The following HIVEP2 variants were observed in gnomAD, a reference collection of about 807,000 sequenced individuals.
HIVEP2 encodes transcription factor HIVEP2.
Under a neutral mutation model 180.7 loss-of-function variants are expected in HIVEP2, and 14 were observed. The observed-to-expected ratio is 0.08, with a 90% confidence interval of 0.05 to 0.12. The LOEUF is 0.12. HIVEP2 is among the 10% of genes least tolerant of loss of function. The pLI is 1.00. For missense variants in HIVEP2, 2,579 were observed against 3,008.5 expected (o/e 0.86, Z 3.34); for synonymous variants, 1,184 against 1,136.4 (o/e 1.04, Z -0.84).
rs755232431 is a variant in HIVEP2 at position 142,774,649 on chromosome 6, T to C, written c.90A>G (p.Gln30=). 6.2e-7 allele frequency: 1 copy of C among 1,614,214 alleles called. No homozygotes were observed. Residue 30 remains glutamine, a synonymous_variant, in exon 5 of 10, where the codon CAA becomes CAG. Transcript: ENST00000367603. This position sits in a 1 kb window ranked among gnomAD's most constrained non-coding sequence, Gnocchi z 5.1. ...DKASGRWRQE[Q]SAVIKMSTFG... ...AAGTGCTCATCTTAATAACAGCTGA[T>C]TGTTCCTGTCTCCATCTACCTGATG... is the stretch of plus-strand genomic sequence containing the variant.
rs1776592480 is a variant in HIVEP2 at position 142,882,338 on chromosome 6, C to T, written c.-640-45291G>A. Among the ~76,000 whole-genome samples, 3 of 152,098 alleles carry T rather than the reference C, an allele frequency of 2.0e-5. No individual in the cohort carries two copies. The South Asian group carries it at 6.2e-4, about 31-fold the overall frequency. The stretch of plus-strand genomic sequence containing the variant: ...GAAAAGAAGTAGAAGAGGCAGAGGG[C>T]AGTAGCTCATGCCTGTAATCCCAGC... On this transcript the variant is annotated intron_variant, in intron 1 of 9. Transcript: ENST00000367603.
At chr6:142,814,736 T>C (rs190090029) in intron 2 of HIVEP2, among the ~76,000 whole-genome samples, 91 of 152,210 alleles carry the variant, frequency 6.0e-4, no homozygotes, top group African/African-American at 2.1e-3. Flanking sequence ...CTTTGGGCTA[T>C]TTATGCAGAG....
At position 142,762,134 on chromosome 6, in the gene HIVEP2, A is replaced by G. The variant is rs564098693; in HGVS notation, c.5519-569T>C. On this transcript the variant is annotated intron_variant, in intron 7 of 9. Transcript: ENST00000367603. ...GAAAGATCCATACAAATAATTAGCT[A>G]ACTACTCATAGGGAGCATTATTCCC... Among the ~76,000 whole-genome samples, 6 of 152,232 alleles carry G rather than the reference A, an allele frequency of 3.9e-5. No homozygotes were observed. In the South Asian group the frequency reaches 1.2e-3, roughly 32 times the overall value.
At chr6:142,832,173 C>T (rs543460426) in intron 2 of HIVEP2, among the ~76,000 whole-genome samples, 1 of 135,098 alleles carries the variant, frequency 7.4e-6, no homozygotes, top group Non-Finnish European at 1.6e-5. Flanking sequence ...TCCTGGGCAA[C>T]AAGAGTGAAA....
intron 1 of HIVEP2, among the ~76,000 whole-genome samples, chr6:142,900,845 C>T (rs534831186): frequency 6.6e-6 from 1 of 152,186 alleles, no homozygotes; most frequent in South Asian, 2.1e-4. Context: ...AGGTTTTTCC[C>T]CCCAAACTCA....
chr6:142,772,118 T>C lies in HIVEP2; in HGVS notation c.2621A>G (p.Tyr874Cys), dbSNP rs1239890588. The C allele has an allele frequency of 2.5e-6, 4 of 1,614,216 alleles. No individual in the cohort carries two copies. Among genetic ancestry groups the C allele is most frequent in the South Asian group, 2.2e-5 (2 of 91,086 alleles). Residue 874 changes from tyrosine to cysteine, a missense_variant, in exon 5 of 10, where the codon TAT becomes TGT. Tyr to Cys is a radical substitution (Grantham distance 194). Around this residue, in one of 11 missense-constraint regions of HIVEP2, gnomAD observed 524 missense variants for 563.6 expected, o/e 0.93. Coordinates refer to ENST00000367603, the MANE Select transcript of HIVEP2 (RefSeq NM_006734.4). The surrounding 1 kb of genome is among the most constrained non-coding windows in gnomAD (Gnocchi z 4.9). ...SPSQQVQQQS[Y>C]HTQPRLVRQH... ...CCGAACTAGCCTGGGCTGTGTGTGA[T>C]AGGACTGCTGCTGCACCTGCTGAGA...
chr6:142,909,819 A>T (rs952687528), intron 1 of HIVEP2, among the ~76,000 whole-genome samples: 1 of 152,190 alleles, frequency 6.6e-6, no homozygotes, highest in African/African-American at 2.4e-5. Flanking sequence ...AAGATCAAAA[A>T]ATAGCTACTG....
At chr6:142,940,870 A>G (rs1469354587) in intron 1 of HIVEP2, among the ~76,000 whole-genome samples, 1 of 152,210 alleles carries the variant, frequency 6.6e-6, no homozygotes, top group Non-Finnish European at 1.5e-5. Context: ...TCTGTGACCC[A>G]GAAGTAGCAG....
At chr6:142,901,062 G>A (rs989096574) in intron 1 of HIVEP2, among the ~76,000 whole-genome samples, 1 of 152,106 alleles carries the variant, frequency 6.6e-6, no homozygotes, top group Admixed American at 6.5e-5. Flanking sequence ...CGTATTCTGC[G>A]TGAACTCTAT....
In HIVEP2 at chr6:142,845,749, C is replaced by T. The variant is rs561218606; in HGVS notation, c.-640-8702G>A. Among the ~76,000 whole-genome samples the T allele has an allele frequency of 3.7e-4, 57 of 152,354 alleles. No homozygotes were observed. In the South Asian group the frequency reaches 5.2e-3, roughly 14 times the overall value. ...CCCCAGAGGAAGCTGTTCAACTCGC[C>T]GGGTCGGTTCCCCAGAGCCCTGCCA... is the stretch of plus-strand genomic sequence containing the variant. On this transcript the variant is annotated intron_variant, in intron 1 of 9. Coordinates refer to ENST00000367603, the MANE Select transcript of HIVEP2 (RefSeq NM_006734.4).
intron 8 of HIVEP2, among the ~76,000 whole-genome samples, chr6:142,761,081 G>A (rs753380103): frequency 2.6e-5 from 4 of 152,164 alleles, no homozygotes; most frequent in Non-Finnish European, 5.9e-5. Context: ...ATGTTTGTTT[G>A]CTAGTTTATT....
chr6:142,794,318 G>C (rs1469153087), intron 2 of HIVEP2, among the ~76,000 whole-genome samples: 2 of 152,066 alleles, frequency 1.3e-5, no homozygotes, highest in Non-Finnish European at 2.9e-5. Flanking sequence ...ATTAAATAAG[G>C]CAATAAATGT....
intron 1 of HIVEP2, among the ~76,000 whole-genome samples, chr6:142,892,708 A>C (rs1050963822): frequency 2.0e-5 from 3 of 152,230 alleles, no homozygotes; most frequent in African/African-American, 7.2e-5. Context: ...GCTTAATACA[A>C]GGCAATACTG....
intron 2 of HIVEP2, among the ~76,000 whole-genome samples, chr6:142,790,392 T>C (rs995775469): frequency 1.3e-5 from 2 of 152,194 alleles, no homozygotes; most frequent in Admixed American, 6.5e-5. Flanking sequence ...TATCCCTTAA[T>C]ATGGTAGGTA....
intron 9 of HIVEP2, among the ~76,000 whole-genome samples, chr6:142,759,513 A>C (rs1226063954): frequency 6.6e-6 from 1 of 152,222 alleles, no homozygotes. Context: ...AGTTAAGTTT[A>C]GAAAGCCTTC....
rs35675714 is a variant in HIVEP2, at chr6:142,770,862, G to T, written c.3877C>A (p.Leu1293Ile). Reference protein sequence around the residue: ...SGASGLHPKNLLPKFPSDQSS... With the variant: ...SGASGLHPKNILPKFPSDQSS... The stretch of plus-strand genomic sequence containing the variant: ...TGGTCTGATGGAAACTTTGGAAGAA[G>T]GTTCTTTGGGTGTAGCCCTGATGCT... Residue 1293 changes from leucine (L) to isoleucine (I), a missense_variant, in exon 5 of 10, where the codon CTT becomes ATT. Transcript: ENST00000367603. The surrounding 1 kb of genome is among the most constrained non-coding windows in gnomAD (Gnocchi z 4.7). The T allele has an allele frequency of 1.9e-4, 307 of 1,614,212 alleles. 1 individual carries two copies. In the African/African-American group the frequency reaches 3.0e-3, roughly 16 times the overall value.
chr6:142,855,896 T>C (rs78025769), intron 1 of HIVEP2, among the ~76,000 whole-genome samples: 5 of 103,344 alleles, frequency 4.8e-5, no homozygotes, highest in African/African-American at 1.6e-4. Flanking sequence ...AAGTATTCTT[T>C]CACTTATTTC....
chr6:142,873,693 T>A (rs985842568), intron 1 of HIVEP2, among the ~76,000 whole-genome samples: 1 of 152,182 alleles, frequency 6.6e-6, no homozygotes, highest in Admixed American at 6.6e-5. Flanking sequence ...ATATATTGCA[T>A]GAAAAAACAA....
intron 5 of HIVEP2, 148 bp downstream of exon 5, chr6:142,769,404 C>G: frequency 1.5e-6 from 1 of 666,530 alleles, no homozygotes; most frequent in East Asian, 2.7e-5. Flanking sequence ...TCTTCCACTC[C>G]TGAGTAAGGC....
Sources: gnomAD v4.1 joint callset for allele counts (sites outside exome capture counted in the v4.1 genomes callset) on GRCh38, gnomAD v4.1.1 for gene constraint, gnomAD v4.1.1 regional missense constraint, Gnocchi (gnomAD v3.1) non-coding constraint, MANE v1.5 for transcripts, NCBI Gene and HGNC (gene_info 2026-07-23, HGNC 2026-07-21) for gene names.